The following ALG14 variants were observed in gnomAD, a reference collection of about 807,000 sequenced individuals.
ALG14 encodes the protein ALG14 UDP-N-acetylglucosaminyltransferase subunit.
Under a neutral mutation model 22.8 loss-of-function variants are expected in ALG14, and 17 were observed. The ratio of observed to expected loss-of-function variants is 0.75; its 90% CI spans 0.51 to 1.12. The LOEUF is 1.12. Ranked by LOEUF, ALG14 falls within the 50% of genes most tolerant of loss-of-function variation. The pLI is 0.00. For missense variants in ALG14, 288 were observed against 271.8 expected (o/e 1.06, Z -0.42); for synonymous variants, 89 against 103.7 (o/e 0.86, Z 0.86).
chr1:95,042,862 T>C (rs1311026824), intron 2 of ALG14, among the ~76,000 whole-genome samples: 3 of 152,220 alleles, frequency 2.0e-5, no homozygotes, highest in Non-Finnish European at 2.9e-5. Context: ...ATTTTGAACT[T>C]TTCCCATTTC....
intron 2 of ALG14, among the ~76,000 whole-genome samples, chr1:95,032,389 A>C (rs1209747349): frequency 6.6e-6 from 1 of 152,150 alleles, no homozygotes; most frequent in Non-Finnish European, 1.5e-5. Flanking sequence ...TAGAGGAGAG[A>C]GGCTGGGGTA....
chr1:95,019,617 TG>T (rs1294573526), intron 3 of ALG14, among the ~76,000 whole-genome samples: 1 of 152,206 alleles, frequency 6.6e-6, no homozygotes, highest in African/African-American at 2.4e-5. Flanking sequence ...AGAAGCCGCT[TG>T]GCTTATATCT....
intron 3 of ALG14, among the ~76,000 whole-genome samples, chr1:95,025,757 T>G (rs1557959658): frequency 6.6e-6 from 1 of 152,228 alleles, no homozygotes; most frequent in Non-Finnish European, 1.5e-5. Flanking sequence ...CTTCTGCAGC[T>G]TCCTGACCTC....
chr1:94,989,450 G>T lies in ALG14; in HGVS notation c.421-6144C>A, dbSNP rs192898432. 5.6e-3 allele frequency among the ~76,000 whole-genome samples: 854 copies of T among 152,310 alleles called. 4 individuals are homozygous for T. The highest frequency in any genetic ancestry group is 0.019 in the African/African-American group (807 of 41,564). On this transcript the variant is annotated intron_variant, in intron 3 of 3. Transcript: ENST00000370205. ...AGCCCCTTTCTCACAGCAGAAGTGAGATACTCCTTTCTAGGCCTCCTTACA... is the reference window on the plus strand; with the variant it reads ...AGCCCCTTTCTCACAGCAGAAGTGATATACTCCTTTCTAGGCCTCCTTACA...
At chr1:94,987,072 G>C (rs1402006457) in intron 3 of ALG14, among the ~76,000 whole-genome samples, 1 of 152,132 alleles carries the variant, frequency 6.6e-6, no homozygotes, top group Non-Finnish European at 1.5e-5. Flanking sequence ...ATGTGGCCTT[G>C]GTGCTATTGA....
At chr1:95,010,076 A>G (rs1673321807) in intron 3 of ALG14, among the ~76,000 whole-genome samples, 1 of 152,160 alleles carries the variant, frequency 6.6e-6, no homozygotes, top group South Asian at 2.1e-4. Context: ...AGCCTCCAAC[A>G]TTCACAGAGG....
rs1238992816 is a variant in ALG14, at chr1:95,059,407, A to AC, written c.288+5458_288+5459insG. Among the ~76,000 whole-genome samples the AC allele has an allele frequency of 1.1e-3, 130 of 119,914 alleles. 1 individual carries two copies. The highest frequency in any genetic ancestry group is 3.3e-3 in the African/African-American group (128 of 38,680). 78.7% of individuals were successfully genotyped at this position (119,914 alleles called of 152,430 possible). A position where few individuals can be genotyped will look rare whatever the true frequency, so the allele number is the denominator to read the frequency against. On this transcript the variant is annotated intron_variant, in intron 2 of 3. Coordinates refer to ENST00000370205, the MANE Select transcript of ALG14 (RefSeq NM_144988.4). ...GGTGAGACTCTGTCTCAAAAAAAAA[A>AC]AAAAAAAAAAAAACATATTATTCTT...
chr1:95,032,193 A>T (rs1440925917), intron 2 of ALG14, among the ~76,000 whole-genome samples: 1 of 152,100 alleles, frequency 6.6e-6, no homozygotes, highest in African/African-American at 2.4e-5. Flanking sequence ...AAAAAATTTT[A>T]TTGAATAAAT....
At chr1:94,991,831 T>A (rs1473360172) in intron 3 of ALG14, among the ~76,000 whole-genome samples, 1 of 150,096 alleles carries the variant, frequency 6.7e-6, no homozygotes, top group East Asian at 2.0e-4. Flanking sequence ...ATTGTACAGG[T>A]GAACAAAAAG....
intron 3 of ALG14, among the ~76,000 whole-genome samples, chr1:95,000,777 T>TAAAAAAA (rs56810994): frequency 4.6e-5 from 3 of 65,232 alleles, no homozygotes; most frequent in Admixed American, 1.7e-4. Flanking sequence ...TATGCCACAC[T>TAAAAAAA]AAAAAAAAAA....
intron 1 of ALG14, among the ~76,000 whole-genome samples, chr1:95,068,088 T>C (rs967874348): frequency 1.3e-5 from 2 of 152,178 alleles, no homozygotes; most frequent in Non-Finnish European, 2.9e-5. Context: ...TCTCCCTCTA[T>C]CCATGCCTCA....
chr1:95,035,462 C>T (rs532138225), intron 2 of ALG14, among the ~76,000 whole-genome samples: 4 of 152,286 alleles, frequency 2.6e-5, no homozygotes, highest in South Asian at 2.1e-4. Flanking sequence ...GGCCTCCCAA[C>T]GCTCCCTATA....
chr1:95,016,796 A>C (rs1673505530), intron 3 of ALG14, among the ~76,000 whole-genome samples: 2 of 152,120 alleles, frequency 1.3e-5, no homozygotes, highest in African/African-American at 2.4e-5. Context: ...AAGGCTGCAC[A>C]CAAATACAAT....
At chr1:95,023,970 C>T (rs1456647886) in intron 3 of ALG14, among the ~76,000 whole-genome samples, 3 of 152,200 alleles carry the variant, frequency 2.0e-5, no homozygotes, top group Admixed American at 6.5e-5. Context: ...AATACTTGGC[C>T]TTTACCCTCA....
chr1:95,058,323 A>G (rs1675008388), intron 2 of ALG14, among the ~76,000 whole-genome samples: 1 of 144,718 alleles, frequency 6.9e-6, no homozygotes, highest in Non-Finnish European at 1.5e-5. Context: ...AGATATTTTC[A>G]GAGATGATAG....
intron 2 of ALG14, among the ~76,000 whole-genome samples, chr1:95,057,389 T>C (rs1299057288): frequency 6.6e-6 from 1 of 151,794 alleles, no homozygotes; most frequent in East Asian, 2.0e-4. Flanking sequence ...CTTGTCATTA[T>C]TTCCTAAATA....
intron 3 of ALG14, among the ~76,000 whole-genome samples, chr1:95,020,944 C>G (rs1204328393): frequency 6.6e-6 from 1 of 152,116 alleles, no homozygotes; most frequent in Non-Finnish European, 1.5e-5. Context: ...GTGAATTTCA[C>G]TTCAATTAAA....
At chr1:95,065,362 A>G (rs1346266199) in intron 1 of ALG14, among the ~76,000 whole-genome samples, 1 of 152,174 alleles carries the variant, frequency 6.6e-6, no homozygotes, top group Non-Finnish European at 1.5e-5. Flanking sequence ...CAAGACAGTA[A>G]GAAAAACTAA....
chr1:95,047,477 G>A (rs1263856207), intron 2 of ALG14, among the ~76,000 whole-genome samples: 3 of 151,954 alleles, frequency 2.0e-5, no homozygotes, highest in African/African-American at 2.4e-5. Context: ...CCAAGTAACT[G>A]GGATTACAGG....
Sources: gnomAD v4.1 joint callset for allele counts (sites outside exome capture counted in the v4.1 genomes callset) on GRCh38, gnomAD v4.1.1 for gene constraint, MANE v1.5 for transcripts, NCBI Gene and HGNC (gene_info 2026-07-23, HGNC 2026-07-21) for gene names.